The following MYO3B variants were observed in gnomAD, a reference collection of about 807,000 sequenced individuals.
The protein encoded by MYO3B is myosin-IIIb.
Under a neutral mutation model 174.6 loss-of-function variants are expected in MYO3B, and 156 were observed. That is an observed-to-expected ratio of 0.89 (90% confidence interval 0.78 to 1.02). The LOEUF is 1.02. MYO3B is among the 50% of genes least tolerant of loss of function. The pLI is 0.00. For synonymous variants in MYO3B, 563 were observed against 569.1 expected (o/e 0.99, Z 0.15); for missense variants, 1,632 against 1,639.4 (o/e 1.00, Z 0.08).
At chr2:170,269,320 C>T (rs3843330) in intron 7 of MYO3B, among the ~76,000 whole-genome samples, 130,873 of 152,152 alleles carry the variant, frequency 0.86, 57,330 homozygotes, top group East Asian at 0.96. Flanking sequence ...TTCTAAAAGA[C>T]CTTCAAAGGA....
chr2:170,208,281 G>A (rs1324502784), intron 3 of MYO3B, among the ~76,000 whole-genome samples: 1 of 152,168 alleles, frequency 6.6e-6, no homozygotes, highest in Non-Finnish European at 1.5e-5. Context: ...TAAGCCAAAT[G>A]CTAAGGTGAA....
intron 22 of MYO3B, among the ~76,000 whole-genome samples, chr2:170,421,639 T>C (rs932433634): frequency 5.9e-5 from 9 of 152,200 alleles, no homozygotes; most frequent in African/African-American, 2.2e-4. Flanking sequence ...GGCCGTGCCC[T>C]CTTCTGCCCT....
intron 32 of MYO3B, among the ~76,000 whole-genome samples, chr2:170,559,390 A>G (rs1278663412): frequency 1.3e-5 from 2 of 152,178 alleles, no homozygotes; most frequent in African/African-American, 4.8e-5. Context: ...CATTATATCC[A>G]AGTTGTTTGA....
chr2:170,538,477 C>A (rs1689869456), intron 30 of MYO3B, among the ~76,000 whole-genome samples: 1 of 152,182 alleles, frequency 6.6e-6, no homozygotes, highest in South Asian at 2.1e-4. Flanking sequence ...GTGCCACCGG[C>A]GCAGCGTGAC....
chr2:170,503,375 T>A (rs1391980202), intron 28 of MYO3B, among the ~76,000 whole-genome samples: 1 of 152,006 alleles, frequency 6.6e-6, no homozygotes, highest in Non-Finnish European at 1.5e-5. Flanking sequence ...ATCTTTTCAG[T>A]GGAGCACCTA....
intron 9 of MYO3B, among the ~76,000 whole-genome samples, chr2:170,380,742 A>G (rs935157558): frequency 6.6e-6 from 1 of 152,228 alleles, no homozygotes; most frequent in African/African-American, 2.4e-5. Flanking sequence ...TATATACACA[A>G]AAAGATGTGT....
intron 23 of MYO3B, among the ~76,000 whole-genome samples, chr2:170,462,969 C>A (rs1239266823): frequency 6.6e-6 from 1 of 152,250 alleles, no homozygotes; most frequent in Non-Finnish European, 1.5e-5. Flanking sequence ...GCCTAATTCC[C>A]TGTGGTACAA....
At chr2:170,541,424 G>A (rs1690098457) in intron 30 of MYO3B, among the ~76,000 whole-genome samples, 1 of 152,092 alleles carries the variant, frequency 6.6e-6, no homozygotes, top group African/African-American at 2.4e-5. Flanking sequence ...GACAAACACG[G>A]GTGAATGCCT....
intron 32 of MYO3B, among the ~76,000 whole-genome samples, chr2:170,648,729 A>ATTC (rs1559200002): frequency 1.2e-4 from 14 of 115,296 alleles, no homozygotes; most frequent in African/African-American, 3.8e-4. Flanking sequence ...TATGTAAAAT[A>ATTC]TATATTATAT....
chr2:170,481,200 T>A (rs1189491514), intron 25 of MYO3B, among the ~76,000 whole-genome samples: 1 of 152,238 alleles, frequency 6.6e-6, no homozygotes, highest in Non-Finnish European at 1.5e-5. Context: ...TCTTTTCTTT[T>A]CACCTGTAGC....
intron 8 of MYO3B, among the ~76,000 whole-genome samples, chr2:170,355,234 G>A (rs1427072872): frequency 6.6e-6 from 1 of 152,188 alleles, no homozygotes; most frequent in African/African-American, 2.4e-5. Context: ...CATAAAATGT[G>A]TGCACCTACA....
At chr2:170,388,275 A>G (rs1410044050) in intron 14 of MYO3B, among the ~76,000 whole-genome samples, 1 of 152,176 alleles carries the variant, frequency 6.6e-6, no homozygotes, top group Non-Finnish European at 1.5e-5. Context: ...GGGGAGGATC[A>G]CAGGCATTAA....
intron 32 of MYO3B, among the ~76,000 whole-genome samples, chr2:170,618,438 C>T (rs576053076): frequency 3.3e-5 from 5 of 152,036 alleles, no homozygotes; most frequent in African/African-American, 9.7e-5. Context: ...AAGGAGTTAG[C>T]GTGGTCTTTT....
At chr2:170,514,186 T>G (rs1340763276) in intron 28 of MYO3B, among the ~76,000 whole-genome samples, 3 of 152,160 alleles carry the variant, frequency 2.0e-5, no homozygotes, top group African/African-American at 4.8e-5. Flanking sequence ...TCTCCAGATA[T>G]CTGAGGTAAA....
At position 170,193,575 on chromosome 2, in the gene MYO3B, C is replaced by T. The variant is rs73025147; in HGVS notation, c.3-5633C>T. 9.2e-3 allele frequency among the ~76,000 whole-genome samples: 1,403 copies of T among 152,170 alleles called. 29 individuals are homozygous for T. The highest frequency in any genetic ancestry group is 0.031 in the African/African-American group (1,302 of 41,534). ...CCTCACCACCACCTCCACTCGTCCT[C>T]TCTTACTCCACAGATTGTCTTTTTG... is the stretch of plus-strand genomic sequence containing the variant. On this transcript the variant is annotated intron_variant, in intron 1 of 34. Coordinates refer to ENST00000408978, the MANE Select transcript of MYO3B (RefSeq NM_138995.5).
chr2:170,273,715 G>A (rs1000095278), intron 7 of MYO3B, among the ~76,000 whole-genome samples: 23 of 151,120 alleles, frequency 1.5e-4, no homozygotes, highest in African/African-American at 5.6e-4. Flanking sequence ...CTTCCTCGGT[G>A]AAACCTTCCT....
chr2:170,566,560 T>C (rs1446264632), intron 32 of MYO3B, among the ~76,000 whole-genome samples: 1 of 152,154 alleles, frequency 6.6e-6, no homozygotes, highest in Non-Finnish European at 1.5e-5. Context: ...GAGTTATGAG[T>C]AGCCAGTGAG....
At chr2:170,386,311 T>C in intron 13 of MYO3B, 39 bp downstream of exon 13, 1 of 1,532,228 alleles carries the variant, frequency 6.5e-7, no homozygotes, top group Non-Finnish European at 9.0e-7. Flanking sequence ...GGCGAGAAGT[T>C]CCTACAGAGT....
chr2:170,566,101 A>G (rs942709661), intron 32 of MYO3B, among the ~76,000 whole-genome samples: 3 of 152,236 alleles, frequency 2.0e-5, no homozygotes, highest in Non-Finnish European at 4.4e-5. Flanking sequence ...GTACATTAAA[A>G]TATACTTGGA....
Sources: gnomAD v4.1 joint callset for allele counts (sites outside exome capture counted in the v4.1 genomes callset) on GRCh38, gnomAD v4.1.1 for gene constraint, MANE v1.5 for transcripts, NCBI Gene and HGNC (gene_info 2026-07-23, HGNC 2026-07-21) for gene names.